CRACDL: variants seen among roughly 807,000 people sequenced by gnomAD.
CRACDL encodes CRACD-like protein.
In CRACDL, 26 loss-of-function variants were observed where a neutral mutation model predicts 70.6. The observed-to-expected ratio is 0.37, with a 90% CI of 0.27 to 0.51. CRACDL has a LOEUF of 0.51. CRACDL is among the 20% of genes least tolerant of loss of function. CRACDL has a pLI of 0.94. For synonymous variants in CRACDL, 618 were observed against 615.2 expected, an observed-to-expected ratio of 1.00 and a Z score of -0.07; for missense variants, 1,283 against 1,376.9, an observed-to-expected ratio of 0.93 and a Z score of 1.08.
chr2:98,870,915 C>T (rs1707316550), intron 1 of CRACDL, among the ~76,000 whole-genome samples: 1 of 152,214 alleles, frequency 6.6e-6, no homozygotes, highest in East Asian at 1.9e-4. Context: ...AGACATCACT[C>T]CACACTGAGA....
At chr2:98,881,323 C>T (rs113520301) in intron 1 of CRACDL, among the ~76,000 whole-genome samples, 11 of 152,312 alleles carry the variant, frequency 7.2e-5, no homozygotes, top group African/African-American at 2.4e-4. Context: ...TGCAGACACT[C>T]AGGCTCCCCG....
rs185597242 is a variant in CRACDL at position 98,896,244 on chromosome 2, T to A, written c.-11+39694A>T. 4.9e-3 allele frequency among the ~76,000 whole-genome samples: 748 copies of A among 152,202 alleles called. 1 individual carries two copies. The highest frequency in any genetic ancestry group is 0.016 in the African/African-American group (667 of 41,538). On this transcript the variant is annotated intron_variant, in intron 1 of 9. Coordinates refer to ENST00000397899, the MANE Select transcript of CRACDL (RefSeq NM_207362.3). ...TGCACCCAGGTTTCACATGCGGGCA[T>A]GAGAGTGGATGGTGGAGTCCCTCGC...
chr2:98,911,911 A>G (rs1486307899), intron 1 of CRACDL, among the ~76,000 whole-genome samples: 1 of 152,214 alleles, frequency 6.6e-6, no homozygotes, highest in Admixed American at 6.5e-5. Context: ...CCCATACCAC[A>G]TACCACAGCC....
intron 1 of CRACDL, among the ~76,000 whole-genome samples, chr2:98,932,489 T>C (rs892979481): frequency 2.0e-5 from 3 of 152,170 alleles, no homozygotes; most frequent in East Asian, 3.9e-4. Flanking sequence ...CGGCTTGTAG[T>C]GAGTGCCAAG....
intron 7 of CRACDL, among the ~76,000 whole-genome samples, chr2:98,799,634 C>G (rs1188265560): frequency 6.6e-6 from 1 of 152,206 alleles, no homozygotes; most frequent in African/African-American, 2.4e-5. Flanking sequence ...TCCCCGGAGC[C>G]TCATTGTCCC....
At chr2:98,869,388 A>C in intron 1 of CRACDL, 1 of 743,954 alleles carries the variant, frequency 1.3e-6, no homozygotes, top group Non-Finnish European at 1.8e-6. Context: ...AACGCAATGC[A>C]CTTCCGCCTT....
At chr2:98,813,891 T>C (rs561999458) in intron 7 of CRACDL, among the ~76,000 whole-genome samples, 13 of 152,342 alleles carry the variant, frequency 8.5e-5, no homozygotes, top group South Asian at 6.2e-4. Flanking sequence ...CTTTAACAGA[T>C]ACAGGACCAT....
intron 7 of CRACDL, among the ~76,000 whole-genome samples, chr2:98,810,970 TAA>T (rs71386057): frequency 2.7e-4 from 36 of 131,604 alleles, no homozygotes; most frequent in Admixed American, 7.8e-4. Context: ...CACTCTGATA[TAA>T]AAAAAAAAAA....
chr2:98,885,750 G>A (rs971666917), intron 1 of CRACDL, among the ~76,000 whole-genome samples: 2 of 152,176 alleles, frequency 1.3e-5, no homozygotes, highest in Admixed American at 6.5e-5. Flanking sequence ...CAAAGTGAAT[G>A]AGTGACAAAA....
At chr2:98,915,082 G>A (rs1480582035) in intron 1 of CRACDL, among the ~76,000 whole-genome samples, 1 of 152,194 alleles carries the variant, frequency 6.6e-6, no homozygotes, top group East Asian at 1.9e-4. Context: ...GGTTGGCAAA[G>A]GCTGCTCAAA....
At chr2:98,919,371 T>C in intron 1 of CRACDL, among the ~76,000 whole-genome samples, 1 of 152,210 alleles carries the variant, frequency 6.6e-6, no homozygotes, top group East Asian at 1.9e-4. Context: ...CTAATTCATA[T>C]CTCTCACCCA....
At position 98,821,873 on chromosome 2, in the gene CRACDL, C is replaced by T. The variant is rs770162187; in HGVS notation, c.2400G>A (p.Pro800=). 10 of 1,606,902 alleles carry T rather than the reference C, an allele frequency of 6.2e-6. No individual in the cohort carries two copies. In the African/African-American group the frequency reaches 1.1e-4, roughly 17 times the overall value. The part of the protein sequence containing the change: ...RKEPRTAEKR[P]LRRGAEKSLP... ...GGCTCTTACCAGCTCCCCTGCGCAGCGGCCTTTTCTCCGCCGTCCTGGGCT... is the reference window on the plus strand; with the variant it reads ...GGCTCTTACCAGCTCCCCTGCGCAGTGGCCTTTTCTCCGCCGTCCTGGGCT... The change falls in exon 7 of 10, where the codon CCG becomes CCA. Residue 800 remains proline (P), a synonymous_variant. Coordinates refer to ENST00000397899, the MANE Select transcript of CRACDL (RefSeq NM_207362.3).
intron 1 of CRACDL, among the ~76,000 whole-genome samples, chr2:98,864,999 G>A (rs1308062092): frequency 1.3e-5 from 2 of 152,236 alleles, no homozygotes; most frequent in African/African-American, 4.8e-5. Context: ...GTTACAGGAA[G>A]AGGGATGCAA....
chr2:98,800,205 A>C (rs1704014211), intron 7 of CRACDL, among the ~76,000 whole-genome samples: 1 of 152,184 alleles, frequency 6.6e-6, no homozygotes, highest in African/African-American at 2.4e-5. Context: ...AGACACAAAC[A>C]AGTAACTGTG....
intron 1 of CRACDL, among the ~76,000 whole-genome samples, chr2:98,869,668 C>A (rs929852292): frequency 1.3e-5 from 2 of 152,218 alleles, no homozygotes; most frequent in Non-Finnish European, 2.9e-5. Context: ...CATTCCAGCA[C>A]CAAAACCACC....
chr2:98,890,911 G>A (rs1707949305), intron 1 of CRACDL, among the ~76,000 whole-genome samples: 1 of 151,974 alleles, frequency 6.6e-6, no homozygotes, highest in South Asian at 2.1e-4. Flanking sequence ...ACAAAAACTA[G>A]CTGGGCATGG....
intron 1 of CRACDL, among the ~76,000 whole-genome samples, chr2:98,929,374 T>C (rs1015473416): frequency 5.3e-5 from 8 of 152,160 alleles, no homozygotes; most frequent in African/African-American, 1.9e-4. Context: ...ACCTGTCTGG[T>C]GCAGACCTTG....
At position 98,832,448 on chromosome 2, in the gene CRACDL, C is replaced by T. The variant is rs772608832; in HGVS notation, c.440G>A (p.Arg147Gln). 12 of 1,613,864 alleles carry T rather than the reference C, an allele frequency of 7.4e-6. No individual in the cohort carries two copies. Among genetic ancestry groups the T allele is most frequent in the East Asian group, 2.2e-5 (1 of 44,888 alleles). ...PPPPGGLPAK[R>Q]GEDAGMSSED... ...AGAGCTCATGCCGGCATCCTCTCCC[C>T]GCTTGGCAGGAAGCCCCCCTGGAGG... Residue 147 changes from arginine to glutamine, a missense_variant, in exon 5 of 10, where the codon CGG (arginine) becomes CAG (glutamine). Transcript: ENST00000397899.
chr2:98,927,999 G>A (rs773769658), intron 1 of CRACDL, among the ~76,000 whole-genome samples: 18 of 152,070 alleles, frequency 1.2e-4, no homozygotes, highest in South Asian at 6.2e-4. Flanking sequence ...TGGCCAACAC[G>A]GTGAAACCCT....
Sources: gnomAD v4.1 joint callset for allele counts (sites outside exome capture counted in the v4.1 genomes callset) on GRCh38, gnomAD v4.1.1 for gene constraint, MANE v1.5 for transcripts, NCBI Gene and HGNC (gene_info 2026-07-23, HGNC 2026-07-21) for gene names.